Variants in NTSR1 observed in about 807,000 individuals in gnomAD.
The protein encoded by NTSR1 is neurotensin receptor type 1.
In NTSR1, 29 loss-of-function variants were observed where a neutral mutation model predicts 31.2. The observed-to-expected ratio is 0.93, with a 90% CI of 0.69 to 1.27. The LOEUF is 1.27. Among genes scored for constraint, NTSR1 ranks in the 50% most tolerant of loss-of-function variants. The pLI is 0.00. For missense variants in NTSR1, 697 were observed against 595.4 expected (o/e 1.17, Z -1.78); for synonymous variants, 282 against 269.9 (o/e 1.04, Z -0.44).
intron 1 of NTSR1, among the ~76,000 whole-genome samples, chr20:62,721,151 T>C (rs2147134357): frequency 6.6e-6 from 1 of 152,338 alleles, no homozygotes; most frequent in Non-Finnish European, 1.5e-5. Context: ...TGGATAGTGT[T>C]ATAGTATTTA....
At chr20:62,716,893 A>G (rs1255504867) in intron 1 of NTSR1, among the ~76,000 whole-genome samples, 1 of 152,306 alleles carries the variant, frequency 6.6e-6, no homozygotes, top group South Asian at 2.1e-4. Flanking sequence ...GGTCACAGCC[A>G]TGGGGTCTGC....
At position 62,733,695 on chromosome 20, in the gene NTSR1, G is replaced by C. The variant is rs1280485257; in HGVS notation, c.715-20990G>C. 5.9e-5 allele frequency among the ~76,000 whole-genome samples: 9 copies of C among 151,764 alleles called. No homozygotes were observed. The highest frequency in any genetic ancestry group is 5.9e-4 in the Admixed American group (9 of 15,222). ...AAGAGAGGAGAGAGGGAAAGGCAGA[G>C]AGAGAAACAGAGGGAGAAACACAAA... On this transcript the variant is annotated intron_variant, in intron 1 of 3. Transcript: ENST00000370501. This position sits in a 1 kb window ranked among gnomAD's most constrained non-coding sequence, Gnocchi z 5.2.
At chr20:62,713,143 G>C (rs1988649899) in intron 1 of NTSR1, among the ~76,000 whole-genome samples, 1 of 152,238 alleles carries the variant, frequency 6.6e-6, no homozygotes, top group South Asian at 2.1e-4. Context: ...CTCCTGAGCA[G>C]CCGTGAGGAC....
At chr20:62,727,331 G>C (rs1199499378) in intron 1 of NTSR1, among the ~76,000 whole-genome samples, 3 of 152,240 alleles carry the variant, frequency 2.0e-5, no homozygotes, top group African/African-American at 7.2e-5. Context: ...GCAAGGGCTG[G>C]GTGGAAGTGG....
At chr20:62,719,137 A>AGTTT (rs889459216) in intron 1 of NTSR1, among the ~76,000 whole-genome samples, 1 of 146,826 alleles carries the variant, frequency 6.8e-6, no homozygotes, top group African/African-American at 2.5e-5. Flanking sequence ...AAAAAAAAAA[A>AGTTT]GTTTTTCGTT....
intron 1 of NTSR1, among the ~76,000 whole-genome samples, chr20:62,719,109 CT>C (rs936593226): frequency 2.9e-4 from 31 of 108,080 alleles, no homozygotes; most frequent in African/African-American, 8.5e-4. Flanking sequence ...CTTCCAGTCC[CT>C]TTTTTTTTCT....
chr20:62,738,735 C>T (rs968919995), intron 1 of NTSR1, among the ~76,000 whole-genome samples: 6 of 152,226 alleles, frequency 3.9e-5, no homozygotes, highest in Non-Finnish European at 8.8e-5. Context: ...GGGAACACGT[C>T]CAGGCTCACG....
intron 1 of NTSR1, among the ~76,000 whole-genome samples, chr20:62,730,624 G>A (rs1012573199): frequency 2.0e-5 from 3 of 152,214 alleles, no homozygotes; most frequent in Non-Finnish European, 2.9e-5. Context: ...GTTGGAACAC[G>A]TGGTAAGGAT....
At chr20:62,748,231 A>G (rs1197819770) in intron 1 of NTSR1, among the ~76,000 whole-genome samples, 1 of 152,168 alleles carries the variant, frequency 6.6e-6, no homozygotes, top group Non-Finnish European at 1.5e-5. Context: ...AGTAAATTTA[A>G]TCAAGGAAGT....
intron 1 of NTSR1, among the ~76,000 whole-genome samples, chr20:62,746,068 T>A (rs1989295010): frequency 6.6e-6 from 1 of 152,168 alleles, no homozygotes; most frequent in Non-Finnish European, 1.5e-5. Flanking sequence ...ACGCTCAGCC[T>A]GGGCAGGGAC....
At position 62,742,465 on chromosome 20, in the gene NTSR1, C is replaced by T. The variant is rs1019293882; in HGVS notation, c.715-12220C>T. The stretch of plus-strand genomic sequence containing the variant: ...GCATCTCGAGCCGGGCCTGGTACTG[C>T]TTAGATGCCTGGGAGGGAGGACCGA... On this transcript the variant is annotated intron_variant, in intron 1 of 3. Transcript: ENST00000370501. The surrounding 1 kb of genome is among the most constrained non-coding windows in gnomAD (Gnocchi z 7.1). Among the ~76,000 whole-genome samples the T allele has an allele frequency of 6.7e-5, 10 of 149,580 alleles. 2 individuals carry two copies. Among genetic ancestry groups the T allele is most frequent in the African/African-American group, 2.5e-4 (10 of 40,100 alleles).
intron 1 of NTSR1, among the ~76,000 whole-genome samples, chr20:62,710,908 C>T (rs1462940160): frequency 1.3e-5 from 2 of 152,126 alleles, no homozygotes; most frequent in East Asian, 1.9e-4. Context: ...GTGAAGGATC[C>T]GGGCAGAGTC....
Position 62,760,415 on chromosome 20 carries a change from AC to A in NTSR1, c.*153del. The A allele has an allele frequency of 1.6e-6, 1 of 632,376 alleles. No individual in the cohort carries two copies. Among genetic ancestry groups the A allele is most frequent in the Non-Finnish European group, 2.4e-6 (1 of 422,592 alleles). 39.2% of individuals were successfully genotyped at this position (632,376 alleles called of 1,614,324 possible). On this transcript the variant is annotated 3_prime_UTR_variant, in exon 4 of 4. Transcript: ENST00000370501. The stretch of plus-strand genomic sequence containing the variant: ...CTGAGGCCTGGGACCCCCCCCTCCC[AC>A]CCCCTAACCCATGTTTCTCATTAGT...
Position 62,744,940 on chromosome 20 carries a change from G to A in NTSR1, c.715-9745G>A, listed in dbSNP as rs1188120139. Reference sequence around the variant, plus strand: ...GGGTAGCAGCTGAGGGGTGCACACAGCAGAGGATACTGCCAGAAGCACGAA... The same window carrying A: ...GGGTAGCAGCTGAGGGGTGCACACAACAGAGGATACTGCCAGAAGCACGAA... On this transcript the variant is annotated intron_variant, in intron 1 of 3. Coordinates refer to ENST00000370501, the MANE Select transcript of NTSR1 (RefSeq NM_002531.3). This position sits in a 1 kb window ranked among gnomAD's most constrained non-coding sequence, Gnocchi z 4.1. 6.6e-6 allele frequency among the ~76,000 whole-genome samples: 1 copy of A among 152,176 alleles called. No homozygotes were observed. The highest frequency in any genetic ancestry group is 2.4e-5 in the African/African-American group (1 of 41,432).
chr20:62,740,954 G>A (rs745835506), intron 1 of NTSR1, among the ~76,000 whole-genome samples: 18 of 152,226 alleles, frequency 1.2e-4, no homozygotes, highest in Non-Finnish European at 1.9e-4. Flanking sequence ...AAAGCAACTC[G>A]CCACCCCAGC....
At position 62,720,131 on chromosome 20, in the gene NTSR1, C is replaced by A. The variant is rs937381297; in HGVS notation, c.714+10210C>A. Among the ~76,000 whole-genome samples, 7 of 152,162 alleles carry A rather than the reference C, an allele frequency of 4.6e-5. No individual in the cohort carries two copies. In the South Asian group the frequency reaches 1.0e-3, roughly 22 times the overall value. On this transcript the variant is annotated intron_variant, in intron 1 of 3. Coordinates refer to ENST00000370501, the MANE Select transcript of NTSR1 (RefSeq NM_002531.3). ...CCTGGCCAACAGGATGAAACCCTGT[C>A]TCTACTAAAAATACAAAACTTAGCC...
At chr20:62,729,563 C>A (rs1007637997) in intron 1 of NTSR1, among the ~76,000 whole-genome samples, 2 of 152,074 alleles carry the variant, frequency 1.3e-5, no homozygotes, top group African/African-American at 2.4e-5. Flanking sequence ...CAAGGCTCAC[C>A]CCAGACCAAC....
At position 62,749,092 on chromosome 20, in the gene NTSR1, G is replaced by A. The variant is rs550355570; in HGVS notation, c.715-5593G>A. ...ACACAAGGGCACCAATACACAATGG[G>A]GAAAAAGCAGTCTCCTCAAACAGTG... On this transcript the variant is annotated intron_variant, in intron 1 of 3. Coordinates refer to ENST00000370501, the MANE Select transcript of NTSR1 (RefSeq NM_002531.3). 4.6e-5 allele frequency among the ~76,000 whole-genome samples: 7 copies of A among 152,266 alleles called. No individual in the cohort carries two copies. The South Asian group carries it at 1.0e-3, about 23-fold the overall frequency.
rs1255163347 is a variant in NTSR1, at chr20:62,711,564, C to CCCCCGATCCCCCCGCTCAGAT, written c.714+1664_714+1684dup. Among the ~76,000 whole-genome samples, 1 of 124,850 alleles carries CCCCCGATCCCCCCGCTCAGAT rather than the reference C, an allele frequency of 8.0e-6. No individual in the cohort carries two copies. Among genetic ancestry groups the CCCCCGATCCCCCCGCTCAGAT allele is most frequent in the African/African-American group, 3.0e-5 (1 of 33,746 alleles). The allele number at this position is 124,850 out of a possible 152,430, so 81.9% of individuals were successfully genotyped here. A position where few individuals can be genotyped will look rare whatever the true frequency, so the allele number is the denominator to read the frequency against. On this transcript the variant is annotated intron_variant, in intron 1 of 3. Coordinates refer to ENST00000370501, the MANE Select transcript of NTSR1 (RefSeq NM_002531.3). This position sits in a 1 kb window ranked among gnomAD's most constrained non-coding sequence, Gnocchi z 6.4. ...CAGACCCCGGATCCCCCCACTCAGACCCCCGATCCCCCCGCTCAGATCCCC... is the reference window on the plus strand; with the variant it reads ...CAGACCCCGGATCCCCCCACTCAGACCCCCGATCCCCCCGCTCAGATCCCCGATCCCCCCGCTCAGATCCCC...
Sources: allele counts gnomAD v4.1 joint callset (sites outside exome capture counted in the v4.1 genomes callset), GRCh38; gene constraint gnomAD v4.1.1; non-coding constraint Gnocchi (gnomAD v3.1); transcripts MANE v1.5; gene names NCBI Gene and HGNC (gene_info 2026-07-23, HGNC 2026-07-21).